The following GNMT variants were observed in gnomAD, a reference collection of about 807,000 sequenced individuals.
GNMT encodes glycine N-methyltransferase.
Under a neutral mutation model 30.2 loss-of-function variants are expected in GNMT, and 26 were observed. That is an observed-to-expected ratio of 0.86 (90% confidence interval 0.63 to 1.19). GNMT has a LOEUF of 1.19. Ranked by LOEUF, GNMT falls within the 50% of genes most tolerant of loss-of-function variation. The pLI is 0.00. For missense variants in GNMT, 365 were observed against 398.1 expected (o/e 0.92, Z 0.71); for synonymous variants, 163 against 163.8 (o/e 1.00, Z 0.04).
chr6:42,962,088 G>T, intron 1 of GNMT, 124 bp from the exon 2 acceptor site: 1 of 1,102,176 alleles, frequency 9.1e-7, no homozygotes. Flanking sequence ...AGGGCCTGGG[G>T]AGAGGAGGCA....
At position 42,960,876 on chromosome 6, in the gene GNMT, G is replaced by A. The variant is rs1769337966; in HGVS notation, c.109G>A (p.Asp37Asn). ...AARVWQLYIG[D>N]TRSRTAEYKA... Reference sequence around the variant, plus strand: ...GCGCGTGTGGCAGCTGTATATCGGAGACACCCGCAGCCGCACCGCCGAGTA... The same window carrying A: ...GCGCGTGTGGCAGCTGTATATCGGAAACACCCGCAGCCGCACCGCCGAGTA... Residue 37 changes from aspartate to asparagine, a missense_variant, in exon 1 of 6, where the codon GAC becomes AAC. This residue lies in a region of GNMT where 125 missense variants were observed against 112.0 expected (regional missense o/e 1.12). Coordinates refer to ENST00000372808, the MANE Select transcript of GNMT (RefSeq NM_018960.6). 1 of 1,554,418 alleles carries A rather than the reference G, an allele frequency of 6.4e-7. No homozygotes were observed. Among genetic ancestry groups the A allele is most frequent in the Non-Finnish European group, 8.7e-7 (1 of 1,153,122 alleles).
rs922049356 is a variant in GNMT, at chr6:42,960,807, G to A, written c.40G>A (p.Ala14Thr). The A allele has an allele frequency of 6.4e-7, 1 of 1,554,672 alleles. No individual in the cohort carries two copies. The highest frequency in any genetic ancestry group is 8.7e-7 in the Non-Finnish European group (1 of 1,151,770). Residue 14 changes from alanine to threonine, a missense_variant, in exon 1 of 6, where the codon GCG becomes ACG. Ala to Thr is a moderately conservative substitution (Grantham distance 58, BLOSUM62 0). Coordinates refer to ENST00000372808, the MANE Select transcript of GNMT (RefSeq NM_018960.6). ...SVYRTRSLGVAAEGLPDQYAD... is the reference protein window; with the variant it reads ...SVYRTRSLGVTAEGLPDQYAD... ...GTACCGGACCCGCTCCCTGGGGGTGGCGGCCGAAGGGCTCCCGGACCAGTA... is the reference window on the plus strand; with the variant it reads ...GTACCGGACCCGCTCCCTGGGGGTGACGGCCGAAGGGCTCCCGGACCAGTA...
chr6:42,960,943 A>AGC lies in GNMT; in HGVS notation c.178_179dup (p.Val61GlyfsTer5). 6.4e-7 allele frequency: 1 copy of AGC among 1,564,544 alleles called. No homozygotes were observed. Among genetic ancestry groups the AGC allele is most frequent in the Non-Finnish European group, 8.6e-7 (1 of 1,160,792 alleles). The stretch of plus-strand genomic sequence containing the variant: ...GGGCTGCTGCGCCAGCACGGCTGCC[A>AGC]GCGGGTGCTCGACGTAGCCTGTGGC... On this transcript the variant is annotated frameshift_variant, in exon 1 of 6. Coordinates refer to ENST00000372808, the MANE Select transcript of GNMT (RefSeq NM_018960.6). LOFTEE classifies it high-confidence loss of function.
intron 1 of GNMT, among the ~76,000 whole-genome samples, chr6:42,961,550 CTTTTTT>C (rs575786265): frequency 0.025 from 3,235 of 130,556 alleles, 66 homozygotes; most frequent in African/African-American, 0.056. Flanking sequence ...CTATTTTTCT[CTTTTTT>C]TTTTTTTTTT....
rs1581745869 is a variant in GNMT at position 42,960,815 on chromosome 6, A to G, written c.48A>G (p.Glu16=). 1.3e-6 allele frequency: 2 copies of G among 1,557,370 alleles called. No individual in the cohort carries two copies. Among genetic ancestry groups the G allele is most frequent in the Non-Finnish European group, 1.7e-6 (2 of 1,153,486 alleles). ...CCCGCTCCCTGGGGGTGGCGGCCGA[A>G]GGGCTCCCGGACCAGTACGCGGACG... ...YRTRSLGVAA[E]GLPDQYADGE... is the part of the protein sequence containing the mutation. The change falls in exon 1 of 6, where the codon GAA becomes GAG. Residue 16 remains glutamate (E), a synonymous_variant. Transcript: ENST00000372808.
Position 42,960,839 on chromosome 6 carries a change from C to G in GNMT, c.72C>G (p.Asp24Glu), listed in dbSNP as rs1581745983. Reference protein sequence around the residue: ...AAEGLPDQYADGEAARVWQLY... With the variant: ...AAEGLPDQYAEGEAARVWQLY... Reference sequence around the variant, plus strand: ...AAGGGCTCCCGGACCAGTACGCGGACGGGGAGGCGGCGCGCGTGTGGCAGC... The same window carrying G: ...AAGGGCTCCCGGACCAGTACGCGGAGGGGGAGGCGGCGCGCGTGTGGCAGC... The change falls in exon 1 of 6, where the codon GAC becomes GAG. Residue 24 changes from aspartate (D) to glutamate (E), a missense_variant. By Grantham distance (45) the Asp-to-Glu change is conservative. Around this residue, in one of 3 missense-constraint regions of GNMT, gnomAD observed 125 missense variants for 112.0 expected, o/e 1.12. Transcript: ENST00000372808. 3.2e-6 allele frequency: 5 copies of G among 1,556,860 alleles called. No homozygotes were observed. The highest frequency in any genetic ancestry group is 4.3e-6 in the Non-Finnish European group (5 of 1,153,572).
At position 42,963,812 on chromosome 6, in the gene GNMT, A is replaced by G; in HGVS notation, c.*106A>G. ...AGGGCCAGCCTCTAGAGCAGACTAC[A>G]GCTGGGGTGCAGGGATGTGGGTTCC... On this transcript the variant is annotated 3_prime_UTR_variant, in exon 6 of 6. Coordinates refer to ENST00000372808, the MANE Select transcript of GNMT (RefSeq NM_018960.6). 1.9e-6 allele frequency: 2 copies of G among 1,053,908 alleles called. No individual in the cohort carries two copies. Among genetic ancestry groups the G allele is most frequent in the Admixed American group, 3.8e-5 (2 of 53,220 alleles). The allele number at this position is 1,053,908 out of a possible 1,614,324, so 65.3% of individuals were successfully genotyped here.
At chr6:42,961,384 CT>C (rs1440174686) in intron 1 of GNMT, among the ~76,000 whole-genome samples, 1 of 152,108 alleles carries the variant, frequency 6.6e-6, no homozygotes, top group African/African-American at 2.4e-5. Flanking sequence ...TGATACATCA[CT>C]TTTTCAAACC....
rs1199579498 is a variant in GNMT at position 42,960,780 on chromosome 6, G to T, written c.13G>T (p.Val5Leu). 1.3e-6 allele frequency: 2 copies of T among 1,543,564 alleles called. No individual in the cohort carries two copies. Among genetic ancestry groups the T allele is most frequent in the Admixed American group, 1.9e-5 (1 of 51,550 alleles). Residue 5 changes from valine to leucine, a missense_variant, in exon 1 of 6, where the codon GTG becomes TTG. Physicochemically the swap from Val to Leu is conservative, Grantham distance 32. Coordinates refer to ENST00000372808, the MANE Select transcript of GNMT (RefSeq NM_018960.6). ...GGCGCGGCGCAGGATGGTGGACAGC[G>T]TGTACCGGACCCGCTCCCTGGGGGT... MVDS[V>L]YRTRSLGVAA...
rs376412328 is a variant in GNMT, at chr6:42,962,795, A to G, written c.368A>G (p.Lys123Arg). The G allele has an allele frequency of 2.5e-6, 4 of 1,614,032 alleles. No individual in the cohort carries two copies. Among genetic ancestry groups the G allele is most frequent in the Non-Finnish European group, 3.4e-6 (4 of 1,180,002 alleles). Residue 123 changes from lysine (K) to arginine (R), a missense_variant, in exon 3 of 6, where the codon AAA (lysine) becomes AGA (arginine). Transcript: ENST00000372808. ...GAAGCCAACTGGATGACTCTGGACAAAGATGTGCCCCAGTCAGCAGAGGGT... is the reference window on the plus strand; with the variant it reads ...GAAGCCAACTGGATGACTCTGGACAGAGATGTGCCCCAGTCAGCAGAGGGT... The part of the protein sequence containing the change: ...IEEANWMTLD[K>R]DVPQSAEGGF...
chr6:42,961,025 GCC>G, intron 1 of GNMT, 52 bp downstream of exon 1: 7 of 1,402,618 alleles, frequency 5.0e-6, no homozygotes, highest in Middle Eastern at 2.4e-4. Context: ...GTCTGTCTCA[GCC>G]TGTACTGCGC....
In GNMT at chr6:42,963,190, C is replaced by T; in HGVS notation, c.570C>T (p.Pro190=). The change falls in exon 4 of 6, where the codon CCC becomes CCT. Residue 190 remains proline, a synonymous_variant. Transcript: ENST00000372808. ...YDHILSTGCA[P]PGKNIYYKSD... is the part of the protein sequence containing the mutation. The stretch of plus-strand genomic sequence containing the variant: ...ACATCCTCAGTACAGGCTGTGCACC[C>T]CCAGGGAAGAACATCTACTATAAGG... The T allele has an allele frequency of 6.2e-7, 1 of 1,600,092 alleles. No individual in the cohort carries two copies. The highest frequency in any genetic ancestry group is 8.5e-7 in the Non-Finnish European group (1 of 1,178,206).
At chr6:42,961,932 GTCTC>G (rs1017090379) in intron 1 of GNMT, among the ~76,000 whole-genome samples, 4 of 152,118 alleles carry the variant, frequency 2.6e-5, no homozygotes, top group African/African-American at 9.7e-5. Context: ...CAGCTTGTCT[GTCTC>G]TCAAATGGGA....
Position 42,960,866 on chromosome 6 carries a change from G to A in GNMT, c.99G>A (p.Leu33=). Reference sequence around the variant, plus strand: ...GGGAGGCGGCGCGCGTGTGGCAGCTGTATATCGGAGACACCCGCAGCCGCA... The same window carrying A: ...GGGAGGCGGCGCGCGTGTGGCAGCTATATATCGGAGACACCCGCAGCCGCA... ...ADGEAARVWQ[L]YIGDTRSRTA... Residue 33 remains leucine (L), a synonymous_variant, in exon 1 of 6, where the codon CTG becomes CTA. Coordinates refer to ENST00000372808, the MANE Select transcript of GNMT (RefSeq NM_018960.6). 2.6e-6 allele frequency: 4 copies of A among 1,555,462 alleles called. No homozygotes were observed. Among genetic ancestry groups the A allele is most frequent in the Non-Finnish European group, 3.5e-6 (4 of 1,153,372 alleles).
intron 1 of GNMT, 59 bp downstream of exon 1, chr6:42,961,032 C>T: frequency 7.3e-6 from 10 of 1,369,212 alleles, no homozygotes; most frequent in Non-Finnish European, 9.8e-6. Context: ...TCAGCCTGTA[C>T]TGCGCGGCCG....
Position 42,961,550 on chromosome 6 carries a change from C to CTTTTTTTTT in GNMT, c.206+590_206+598dup, listed in dbSNP as rs575786265. 3.0e-3 allele frequency among the ~76,000 whole-genome samples: 393 copies of CTTTTTTTTT among 130,520 alleles called. 5 individuals are homozygous for CTTTTTTTTT. Among genetic ancestry groups the CTTTTTTTTT allele is most frequent in the Admixed American group, 4.3e-3 (50 of 11,594 alleles). 85.6% of individuals were successfully genotyped at this position (130,520 alleles called of 152,430 possible). A position where few individuals can be genotyped will look rare whatever the true frequency, so the allele number is the denominator to read the frequency against. On this transcript the variant is annotated intron_variant, in intron 1 of 5. Transcript: ENST00000372808. ...GATCTGTCCTGTGCTCTATTTTTCT[C>CTTTTTTTTT]TTTTTTTTTTTTTTTTTTTTTGAGA...
At chr6:42,962,138 T>C (rs1242193608) in intron 1 of GNMT, 74 bp from the exon 2 acceptor site, 8 of 1,549,402 alleles carry the variant, frequency 5.2e-6, no homozygotes, top group Non-Finnish European at 6.2e-6. Flanking sequence ...AAGTGTCCAG[T>C]GCAGGGTCTC....
At position 42,962,210 on chromosome 6, in the gene GNMT, AG is replaced by A. The variant is rs766302988; in HGVS notation, c.208del. 6.2e-7 allele frequency: 1 copy of A among 1,614,080 alleles called. No homozygotes were observed. The highest frequency in any genetic ancestry group is 8.5e-7 in the Non-Finnish European group (1 of 1,180,008). On this transcript the variant is annotated splice_acceptor_variant, in intron 1 of 5. Coordinates refer to ENST00000372808, the MANE Select transcript of GNMT (RefSeq NM_018960.6). LOFTEE classifies it high-confidence loss of function. Reference sequence around the variant, plus strand: ...CTGCCTCTCCTCGCTGGCCGTACTCAGGGTGGACTCCATTATGCTGGTGGAA... The same window carrying A: ...CTGCCTCTCCTCGCTGGCCGTACTCAGGTGGACTCCATTATGCTGGTGGAA...
In GNMT at chr6:42,963,532, C is replaced by T; in HGVS notation, c.717-3C>T. On this transcript the variant is annotated splice_region_variant and splice_polypyrimidine_tract_variant and intron_variant, in intron 5 of 5. Coordinates refer to ENST00000372808, the MANE Select transcript of GNMT (RefSeq NM_018960.6). ...CTCATGGTTGCTGGGGCCTCTGTTA[C>T]AGTAAGTTCCGGCTCTCCTACTACC... 7.4e-6 allele frequency: 12 copies of T among 1,613,974 alleles called. No individual in the cohort carries two copies. Among genetic ancestry groups the T allele is most frequent in the Non-Finnish European group, 9.3e-6 (11 of 1,179,860 alleles).
Sources: allele counts gnomAD v4.1 joint callset (sites outside exome capture counted in the v4.1 genomes callset), GRCh38; gene constraint gnomAD v4.1.1; regional missense constraint gnomAD v4.1.1; transcripts MANE v1.5; gene names NCBI Gene and HGNC (gene_info 2026-07-23, HGNC 2026-07-21).